The following RBBP4 variants were observed in gnomAD, a reference collection of about 807,000 sequenced individuals.
RBBP4 encodes the protein histone-binding protein RBBP4.
Under a neutral mutation model 57.2 loss-of-function variants are expected in RBBP4, and 3 were observed. The observed-to-expected ratio is 0.05, with a 90% CI of 0.02 to 0.14. The LOEUF is 0.14. Among genes scored for constraint, RBBP4 ranks in the 10% least tolerant of loss-of-function variants. RBBP4 has a pLI of 1.00. For synonymous variants in RBBP4, 151 were observed against 171.5 expected, an observed-to-expected ratio of 0.88 and a Z score of 0.93; for missense variants, 107 against 520.6, an observed-to-expected ratio of 0.21 and a Z score of 7.73.
At chr1:32,656,225 TTCTC>T (rs1180764336) in intron 2 of RBBP4, among the ~76,000 whole-genome samples, 3 of 152,206 alleles carry the variant, frequency 2.0e-5, no homozygotes, top group Non-Finnish European at 4.4e-5. Context: ...GAAGTAGTCT[TTCTC>T]TGTCACCCAG....
intron 2 of RBBP4, among the ~76,000 whole-genome samples, chr1:32,653,070 T>C (rs904774720): frequency 1.3e-5 from 2 of 152,216 alleles, no homozygotes; most frequent in Non-Finnish European, 2.9e-5. Context: ...CTATGTTTCT[T>C]ACGTGTAGGT....
At chr1:32,656,604 G>A (rs1476687258) in intron 2 of RBBP4, among the ~76,000 whole-genome samples, 3 of 152,024 alleles carry the variant, frequency 2.0e-5, no homozygotes, top group African/African-American at 7.2e-5. Flanking sequence ...CACCCTCTTC[G>A]GCCTCCCAAA....
At chr1:32,652,785 A>G (rs1187910683) in intron 2 of RBBP4, among the ~76,000 whole-genome samples, 2 of 152,054 alleles carry the variant, frequency 1.3e-5, no homozygotes, top group Non-Finnish European at 2.9e-5. Context: ...ACCTCTGGTG[A>G]TCCGCCCGCC....
intron 3 of RBBP4, among the ~76,000 whole-genome samples, 170 bp from the exon 4 acceptor site, chr1:32,668,055 A>C (rs1466217108): frequency 6.6e-6 from 1 of 151,906 alleles, no homozygotes; most frequent in African/African-American, 2.4e-5. Context: ...AACTACCTGG[A>C]GTCACGGGGG....
chr1:32,680,027 A>T lies in RBBP4; in HGVS notation c.*322A>T, dbSNP rs1649323401. 3 of 1,122,736 alleles carry T rather than the reference A, an allele frequency of 2.7e-6. No homozygotes were observed. Among genetic ancestry groups the T allele is most frequent in the Non-Finnish European group, 3.3e-6 (3 of 918,282 alleles). 69.5% of individuals were successfully genotyped at this position (1,122,736 alleles called of 1,614,324 possible). Reference sequence around the variant, plus strand: ...TCCCCAAGTTTTTCAGACTCATTTAAGTAAAGGCTAGAGTGAGTAAGGAAT... The same window carrying T: ...TCCCCAAGTTTTTCAGACTCATTTATGTAAAGGCTAGAGTGAGTAAGGAAT... On this transcript the variant is annotated 3_prime_UTR_variant, in exon 12 of 12. Transcript: ENST00000373493.
At chr1:32,674,743 T>C (rs925275254) in intron 11 of RBBP4, among the ~76,000 whole-genome samples, 8 of 151,450 alleles carry the variant, frequency 5.3e-5, no homozygotes, top group Non-Finnish European at 1.2e-4. Context: ...TTTTTTTTTT[T>C]CTGAGACAGA....
At chr1:32,662,052 A>C (rs895144624) in intron 3 of RBBP4, among the ~76,000 whole-genome samples, 1 of 146,938 alleles carries the variant, frequency 6.8e-6, no homozygotes, top group African/African-American at 2.5e-5. Context: ...CACCCAGCTA[A>C]TTTTTGTGGT....
At chr1:32,677,996 A>T (rs910479729) in intron 11 of RBBP4, among the ~76,000 whole-genome samples, 41 of 152,184 alleles carry the variant, frequency 2.7e-4, no homozygotes, top group African/African-American at 9.7e-4. Context: ...TTTATTCTAT[A>T]CAAGAACAGT....
chr1:32,677,976 A>G (rs1649179886), intron 11 of RBBP4, among the ~76,000 whole-genome samples: 1 of 152,202 alleles, frequency 6.6e-6, no homozygotes, highest in Non-Finnish European at 1.5e-5. Flanking sequence ...GTCAAGCAGT[A>G]GAAGTAGAGT....
rs1649434037 is a variant in RBBP4, at chr1:32,681,516, C to T, written c.*1811C>T. The T allele has an allele frequency of 2.9e-6, 1 of 344,926 alleles. No individual in the cohort carries two copies. Among genetic ancestry groups the T allele is most frequent in the African/African-American group, 2.1e-5 (1 of 47,374 alleles). The allele number at this position is 344,926 out of a possible 1,614,324, so 21.4% of individuals were successfully genotyped here. A position where few individuals can be genotyped will look rare whatever the true frequency, so the allele number is the denominator to read the frequency against. On this transcript the variant is annotated 3_prime_UTR_variant, in exon 12 of 12. Coordinates refer to ENST00000373493, the MANE Select transcript of RBBP4 (RefSeq NM_005610.3). ...GCAAGATACATTCTTTAAAATACTCCCAGATGTGTCCATACATTCATCCTT... is the reference window on the plus strand; with the variant it reads ...GCAAGATACATTCTTTAAAATACTCTCAGATGTGTCCATACATTCATCCTT...
In RBBP4 at chr1:32,669,043, A is replaced by C; in HGVS notation, c.672A>C (p.Thr224=). 1.9e-6 allele frequency: 3 copies of C among 1,614,100 alleles called. No homozygotes were observed. Among genetic ancestry groups the C allele is most frequent in the Non-Finnish European group, 2.5e-6 (3 of 1,179,988 alleles). Residue 224 remains threonine, a synonymous_variant, in exon 6 of 12, where the codon ACA becomes ACC. Transcript: ENST00000373493. The surrounding 1 kb of genome is among the most constrained non-coding windows in gnomAD (Gnocchi z 4.9). ...TGGTAGATGCGAAGACCATCTTTAC[A>C]GGGCATACGGCAGTAGTAGAAGATG... The part of the protein sequence containing the change: ...GKVVDAKTIF[T]GHTAVVEDVS...
Position 32,682,839 on chromosome 1 carries a change from T to C in RBBP4, c.*3134T>C, listed in dbSNP as rs1649538901. 6.6e-6 allele frequency: 1 copy of C among 152,162 alleles called. No individual in the cohort carries two copies. The highest frequency in any genetic ancestry group is 2.4e-5 in the African/African-American group (1 of 41,444). 9.4% of individuals were successfully genotyped at this position (152,162 alleles called of 1,614,324 possible). A position where few individuals can be genotyped will look rare whatever the true frequency, so the allele number is the denominator to read the frequency against. On this transcript the variant is annotated 3_prime_UTR_variant, in exon 12 of 12. Transcript: ENST00000373493. ...ATAAAATTTATAGGCATCTGTATAA[T>C]GTACAACTTGACACGGACTTTCTTT...
intron 11 of RBBP4, among the ~76,000 whole-genome samples, chr1:32,676,850 G>T (rs1206734485): frequency 6.6e-6 from 1 of 151,944 alleles, no homozygotes; most frequent in African/African-American, 2.4e-5. Context: ...GGCTGAAGTG[G>T]GAGGCTAGCG....
At position 32,686,076 on chromosome 1, in the gene RBBP4, T is replaced by A. The variant is rs554817939; in HGVS notation, c.*6371T>A. 1.3e-5 allele frequency: 2 copies of A among 152,314 alleles called. No individual in the cohort carries two copies. Among genetic ancestry groups the A allele is most frequent in the Admixed American group, 6.5e-5 (1 of 15,298 alleles). 9.4% of individuals were successfully genotyped at this position (152,314 alleles called of 1,614,324 possible). On this transcript the variant is annotated 3_prime_UTR_variant, in exon 12 of 12. Coordinates refer to ENST00000373493, the MANE Select transcript of RBBP4 (RefSeq NM_005610.3). ...CATTTGAAATATGACTAGTCTCAAT[T>A]GAGATGTAATGTAAGTGTAAAATAC...
chr1:32,662,225 C>T, intron 3 of RBBP4: 1 of 342,220 alleles, frequency 2.9e-6, no homozygotes, highest in Non-Finnish European at 6.1e-6. Flanking sequence ...TTTTAACAAA[C>T]AGTCTCTCTC....
intron 11 of RBBP4, among the ~76,000 whole-genome samples, chr1:32,678,426 C>A (rs1297944010): frequency 6.6e-6 from 1 of 152,012 alleles, no homozygotes; most frequent in Non-Finnish European, 1.5e-5. Context: ...AGCGTTTCAC[C>A]ATGTTGGCCA....
rs921269156 is a variant in RBBP4 at position 32,669,857 on chromosome 1, C to T, written c.966+294C>T. ...AGTGAGCCGAGATTGTGCCACTGCA[C>T]TCTAGCCTGGGCGACAGAACGAGAG... On this transcript the variant is annotated intron_variant, in intron 8 of 11. Transcript: ENST00000373493. This position sits in a 1 kb window ranked among gnomAD's most constrained non-coding sequence, Gnocchi z 4.9. Among the ~76,000 whole-genome samples the T allele has an allele frequency of 6.6e-6, 1 of 151,624 alleles. No homozygotes were observed.
chr1:32,670,647 A>G (rs1031481883), intron 8 of RBBP4, among the ~76,000 whole-genome samples: 1 of 151,980 alleles, frequency 6.6e-6, no homozygotes, highest in Admixed American at 6.6e-5. Context: ...ATCTCGGCTC[A>G]CTGCAACCTC....
In RBBP4 at chr1:32,672,999, C is replaced by T. The variant is rs532677479; in HGVS notation, c.1212+98C>T. On this transcript the variant is annotated intron_variant, in intron 11 of 11. Coordinates refer to ENST00000373493, the MANE Select transcript of RBBP4 (RefSeq NM_005610.3). ...TATGATTACAGCTACCATCTCTGTT[C>T]ATTTTACTCCCAGGTGTGATTTTAA... 5 of 999,410 alleles carry T rather than the reference C, an allele frequency of 5.0e-6. No homozygotes were observed. In the African/African-American group the frequency reaches 6.5e-5, roughly 13 times the overall value. The allele number at this position is 999,410 out of a possible 1,614,324, so 61.9% of individuals were successfully genotyped here.
Sources: gnomAD v4.1 joint callset for allele counts (sites outside exome capture counted in the v4.1 genomes callset) on GRCh38, gnomAD v4.1.1 for gene constraint, Gnocchi (gnomAD v3.1) non-coding constraint, MANE v1.5 for transcripts, NCBI Gene and HGNC (gene_info 2026-07-23, HGNC 2026-07-21) for gene names.